Variants in L2HGDH observed in about 807,000 individuals in gnomAD.
The protein encoded by L2HGDH is L-2-hydroxyglutarate dehydrogenase, mitochondrial.
Under a neutral mutation model 51.5 loss-of-function variants are expected in L2HGDH, and 34 were observed. That is an observed-to-expected ratio of 0.66 (90% CI 0.50 to 0.88). The LOEUF is 0.88. L2HGDH is among the 40% of genes least tolerant of loss of function. L2HGDH has a pLI of 0.00. For missense variants in L2HGDH, 558 were observed against 571.9 expected (o/e 0.98, Z 0.25); for synonymous variants, 198 against 197.9 (o/e 1.00, Z -0.01).
chr14:50,270,943 TCTC>T (rs1193568000), intron 6 of L2HGDH, among the ~76,000 whole-genome samples: 1 of 152,196 alleles, frequency 6.6e-6, no homozygotes, highest in African/African-American at 2.4e-5. Context: ...AGATGCAACT[TCTC>T]CATAATGAAT....
intron 1 of L2HGDH, among the ~76,000 whole-genome samples, chr14:50,308,457 GA>G (rs953248406): frequency 5.3e-5 from 8 of 150,304 alleles, no homozygotes; most frequent in African/African-American, 2.0e-4. Flanking sequence ...CAGATACACA[GA>G]TGGCAAAGAA....
At position 50,267,757 on chromosome 14, in the gene L2HGDH, T is replaced by G. The variant is rs1889429421; in HGVS notation, c.1060A>C (p.Asn354His). ...TTTAAAAATAAATAATGTTACCTAT[T>G]GATAATTATATCCATAACATCTGTG... is the stretch of plus-strand genomic sequence containing the variant. ...SATDVMDIII[N>H]SGLIKLASQN... The change falls in exon 8 of 10, where the codon AAT becomes CAT. Residue 354 changes from asparagine (N) to histidine (H), a missense_variant. Transcript: ENST00000267436. 1 of 1,604,758 alleles carries G rather than the reference T, an allele frequency of 6.2e-7. No homozygotes were observed.
chr14:50,273,536 C>T (rs1249001552), intron 6 of L2HGDH, among the ~76,000 whole-genome samples: 2 of 152,006 alleles, frequency 1.3e-5, no homozygotes, highest in Non-Finnish European at 2.9e-5. Flanking sequence ...ACAGGGAAGA[C>T]ATTGGTCTCA....
intron 1 of L2HGDH, among the ~76,000 whole-genome samples, chr14:50,308,682 T>C (rs2030874369): frequency 6.6e-6 from 1 of 152,234 alleles, no homozygotes; most frequent in Non-Finnish European, 1.5e-5. Context: ...ACAGCCACTC[T>C]GGAAAAGAGT....
chr14:50,284,838 T>C (rs1404793310), intron 4 of L2HGDH, among the ~76,000 whole-genome samples: 3 of 152,196 alleles, frequency 2.0e-5, no homozygotes, highest in African/African-American at 2.4e-5. Context: ...AGCACAGCAT[T>C]ATTGTTGTGG....
chr14:50,293,069 C>T (rs765837622), intron 4 of L2HGDH: 63 of 574,928 alleles, frequency 1.1e-4, no homozygotes, highest in South Asian at 1.8e-4. Flanking sequence ...GCTGTGATCA[C>T]GTCACTGCAC....
At chr14:50,259,806 C>T (rs537206930) in intron 9 of L2HGDH, among the ~76,000 whole-genome samples, 2 of 151,924 alleles carry the variant, frequency 1.3e-5, no homozygotes, top group African/African-American at 2.4e-5. Flanking sequence ...TGCACTCCAG[C>T]CTGGGAGACA....
intron 3 of L2HGDH, among the ~76,000 whole-genome samples, chr14:50,296,635 G>T (rs1053987263): frequency 1.4e-5 from 2 of 140,138 alleles, no homozygotes; most frequent in Non-Finnish European, 3.1e-5. Flanking sequence ...CTTTATTCAT[G>T]AATGCTACCA....
At chr14:50,304,154 G>C (rs2030591997) in intron 1 of L2HGDH, among the ~76,000 whole-genome samples, 1 of 152,278 alleles carries the variant, frequency 6.6e-6, no homozygotes, top group South Asian at 2.1e-4. Flanking sequence ...AATACTGCAG[G>C]CAACTGTAAC....
chr14:50,272,386 T>C (rs746451849), intron 6 of L2HGDH, among the ~76,000 whole-genome samples: 1 of 152,146 alleles, frequency 6.6e-6, no homozygotes, highest in Non-Finnish European at 1.5e-5. Flanking sequence ...TTTCAATTCT[T>C]CTTTGAATGG....
In L2HGDH at chr14:50,259,989, G is replaced by C. The variant is rs553746246; in HGVS notation, c.1196+5369C>G. 2.9e-5 allele frequency among the ~76,000 whole-genome samples: 4 copies of C among 139,660 alleles called. No homozygotes were observed. In the South Asian group the frequency reaches 8.5e-4, roughly 30 times the overall value. The allele number at this position is 139,660 out of a possible 152,430, so 91.6% of individuals were successfully genotyped here. On this transcript the variant is annotated intron_variant, in intron 9 of 9. Coordinates refer to ENST00000267436, the MANE Select transcript of L2HGDH (RefSeq NM_024884.3). ...AAAGAAGGAGAGAGAAGAAGACAGA[G>C]AGAGAGAGAGAGAGAGAGAGAGATT...
chr14:50,298,560 C>T (rs1478943293), intron 3 of L2HGDH, among the ~76,000 whole-genome samples: 2 of 151,996 alleles, frequency 1.3e-5, no homozygotes, highest in East Asian at 1.9e-4. Flanking sequence ...GGTGATCCCC[C>T]GCCTCAGCCT....
chr14:50,248,109 T>C (rs1212915735), intron 9 of L2HGDH, among the ~76,000 whole-genome samples: 2 of 152,306 alleles, frequency 1.3e-5, no homozygotes, highest in East Asian at 1.9e-4. Context: ...CTGATAATCT[T>C]TATTACTTAA....
intron 9 of L2HGDH, among the ~76,000 whole-genome samples, chr14:50,259,795 C>T (rs916862497): frequency 6.6e-6 from 1 of 151,862 alleles, no homozygotes; most frequent in Non-Finnish European, 1.5e-5. Flanking sequence ...GACTGCGCCA[C>T]TGCACTCCAG....
chr14:50,245,162 T>G lies in L2HGDH; in HGVS notation c.*1896A>C. 3 of 985,578 alleles carry G rather than the reference T, an allele frequency of 3.0e-6. No homozygotes were observed. The highest frequency in any genetic ancestry group is 3.6e-6 in the Non-Finnish European group (3 of 829,902). The allele number at this position is 985,578 out of a possible 1,614,324, so 61.1% of individuals were successfully genotyped here. ...GATATTTATCAAAAATGGAAAAATA[T>G]CCCTATACAAGTTTATAGGAGCCCT... On this transcript the variant is annotated 3_prime_UTR_variant, in exon 10 of 10. Transcript: ENST00000267436.
chr14:50,294,116 C>A lies in L2HGDH; in HGVS notation c.539G>T (p.Arg180Met). The change falls in exon 4 of 10, where the codon AGG (arginine) becomes ATG (methionine). Residue 180 changes from arginine to methionine, a missense_variant and splice_region_variant. Physicochemically the swap from Arg to Met is moderately conservative, Grantham distance 91. Transcript: ENST00000267436. Reference sequence around the variant, plus strand: ...AACATCCCTTTGTTAATCACTTACCCTACAATATGGCTCCTTCTTTTTTAT... The same window carrying A: ...AACATCCCTTTGTTAATCACTTACCATACAATATGGCTCCTTCTTTTTTAT... The part of the protein sequence containing the change: ...EDIKKKEPYC[R>M]GLMAIDCPHT... 6.2e-7 allele frequency: 1 copy of A among 1,613,794 alleles called. No individual in the cohort carries two copies. Among genetic ancestry groups the A allele is most frequent in the Non-Finnish European group, 8.5e-7 (1 of 1,179,820 alleles).
intron 4 of L2HGDH, among the ~76,000 whole-genome samples, chr14:50,289,092 T>C (rs1322426996): frequency 3.3e-5 from 5 of 152,188 alleles, no homozygotes; most frequent in Admixed American, 2.0e-4. Flanking sequence ...TCCCATATAT[T>C]CTCTGCTCCC....
At chr14:50,300,858 T>C (rs2030367157) in intron 3 of L2HGDH, among the ~76,000 whole-genome samples, 1 of 152,092 alleles carries the variant, frequency 6.6e-6, no homozygotes, top group Non-Finnish European at 1.5e-5. Context: ...AAGGTCTCAC[T>C]CTGTTGCCCA....
chr14:50,251,801 A>C (rs909475526), intron 9 of L2HGDH, among the ~76,000 whole-genome samples: 1 of 152,128 alleles, frequency 6.6e-6, no homozygotes, highest in African/African-American at 2.4e-5. Flanking sequence ...ATGAAGGAGA[A>C]ATACTTTCCC....
Sources: allele counts gnomAD v4.1 joint callset (sites outside exome capture counted in the v4.1 genomes callset), GRCh38; gene constraint gnomAD v4.1.1; transcripts MANE v1.5; gene names NCBI Gene and HGNC (gene_info 2026-07-23, HGNC 2026-07-21).